The following GNA13 variants were observed in gnomAD, a reference collection of about 807,000 sequenced individuals.
GNA13 encodes guanine nucleotide-binding protein subunit alpha-13.
GNA13 carries 4 observed loss-of-function variants against 33.5 expected under a neutral mutation model. That is an observed-to-expected ratio of 0.12 (90% confidence interval 0.06 to 0.27). GNA13 has a LOEUF of 0.27. Ranked by LOEUF, GNA13 falls within the 10% of genes least tolerant of loss-of-function variation. The probability of loss-of-function intolerance (pLI) is 1.00; values close to 1 mark genes in which losing one functional copy is unlikely to be tolerated. For missense variants in GNA13, 319 were observed against 487.2 expected, an observed-to-expected ratio of 0.65 and a Z score of 3.25; for synonymous variants, 176 against 183.8, an observed-to-expected ratio of 0.96 and a Z score of 0.34.
intron 2 of GNA13, 77 bp downstream of exon 2, chr17:65,053,425 G>A (rs897515403): frequency 4.0e-5 from 36 of 889,426 alleles, no homozygotes; most frequent in Middle Eastern, 2.2e-4. Context: ...TCGAATTTTC[G>A]CATTAGGGAT....
At chr17:65,027,889 G>T (rs1906851838) in intron 2 of GNA13, among the ~76,000 whole-genome samples, 1 of 152,176 alleles carries the variant, frequency 6.6e-6, no homozygotes, top group Non-Finnish European at 1.5e-5. Flanking sequence ...CAGATTACTT[G>T]AGGCCAGGAG....
At chr17:65,018,394 T>C in intron 2 of GNA13, 91 bp from the exon 3 acceptor site, 2 of 738,466 alleles carry the variant, frequency 2.7e-6, no homozygotes, top group Non-Finnish European at 4.9e-6. Context: ...GGTTGTACAC[T>C]TAACCCAAAC....
At chr17:65,028,577 C>G (rs2143791678) in intron 2 of GNA13, among the ~76,000 whole-genome samples, 1 of 152,168 alleles carries the variant, frequency 6.6e-6, no homozygotes, top group South Asian at 2.1e-4. Context: ...CTCACTGGTA[C>G]TTAGGGCATT....
intron 1 of GNA13, among the ~76,000 whole-genome samples, chr17:65,055,266 G>A (rs574554093): frequency 6.6e-6 from 1 of 152,294 alleles, no homozygotes; most frequent in East Asian, 1.9e-4. Flanking sequence ...ACGCAGAAAC[G>A]AGTGTTAATT....
chr17:65,053,258 T>C (rs1907919175), intron 2 of GNA13: 2 of 460,688 alleles, frequency 4.3e-6, no homozygotes, highest in South Asian at 3.6e-5. Context: ...AACTAGAAAT[T>C]CATTTATGTT....
intron 2 of GNA13, chr17:65,053,233 T>A (rs1477195404): frequency 1.7e-5 from 7 of 408,926 alleles, no homozygotes; most frequent in Admixed American, 4.1e-5. Context: ...ATGCTGGGAA[T>A]GGGACTCAAG....
intron 2 of GNA13, among the ~76,000 whole-genome samples, chr17:65,045,386 G>A (rs1055272272): frequency 3.3e-5 from 5 of 151,776 alleles, no homozygotes; most frequent in East Asian, 1.9e-4. Context: ...TGGGTATGGC[G>A]GTGCACGCTT....
chr17:65,031,464 T>C (rs544462013), intron 2 of GNA13, among the ~76,000 whole-genome samples: 4 of 152,212 alleles, frequency 2.6e-5, no homozygotes, highest in South Asian at 4.1e-4. Flanking sequence ...CATGCATATA[T>C]AAGTCCTTTG....
At chr17:65,025,089 G>C (rs1349475045) in intron 2 of GNA13, among the ~76,000 whole-genome samples, 1 of 152,006 alleles carries the variant, frequency 6.6e-6, no homozygotes, top group African/African-American at 2.4e-5. Flanking sequence ...GTAGAGATGG[G>C]GTTTCACTAT....
At chr17:65,020,590 T>C (rs774991697) in intron 2 of GNA13, among the ~76,000 whole-genome samples, 1 of 152,206 alleles carries the variant, frequency 6.6e-6, no homozygotes, top group Non-Finnish European at 1.5e-5. Context: ...TAAGACTCAC[T>C]TTTTGCTGGT....
chr17:65,048,133 A>T (rs1017702032), intron 2 of GNA13, among the ~76,000 whole-genome samples: 3 of 152,228 alleles, frequency 2.0e-5, no homozygotes, highest in Non-Finnish European at 4.4e-5. Context: ...CTGTTTACAG[A>T]AAGTAGGAAG....
At chr17:65,045,055 AAAAAG>A (rs1319746037) in intron 2 of GNA13, among the ~76,000 whole-genome samples, 5 of 151,738 alleles carry the variant, frequency 3.3e-5, no homozygotes, top group African/African-American at 2.4e-5. Context: ...AAAAAAAAAA[AAAAAG>A]AAAAGAAAAG....
chr17:65,045,676 A>G (rs2143821106), intron 2 of GNA13, among the ~76,000 whole-genome samples: 1 of 152,288 alleles, frequency 6.6e-6, no homozygotes, highest in East Asian at 1.9e-4. Context: ...TTACTATTAA[A>G]CATTGCTTAA....
At position 65,056,294 on chromosome 17, in the gene GNA13, C is replaced by G; in HGVS notation, c.283+17G>C. On this transcript the variant is annotated intron_variant, in intron 1 of 3. Coordinates refer to ENST00000439174, the MANE Select transcript of GNA13 (RefSeq NM_006572.6). ...CCCCCTGCCCTTAACCCCCGGCCCC[C>G]ATTCCCGGCCCGGCACCTTTGATCA... The G allele has an allele frequency of 6.3e-7, 1 of 1,592,244 alleles. No homozygotes were observed. Among genetic ancestry groups the G allele is most frequent in the Non-Finnish European group, 8.5e-7 (1 of 1,170,528 alleles).
chr17:65,040,135 TACA>T (rs1215368160), intron 2 of GNA13, among the ~76,000 whole-genome samples: 2 of 152,162 alleles, frequency 1.3e-5, no homozygotes, highest in African/African-American at 2.4e-5. Flanking sequence ...CAAAATACTG[TACA>T]ACAAGGGGAA....
chr17:65,014,350 G>A lies in GNA13; in HGVS notation c.1041C>T (p.Thr347=). The change falls in exon 4 of 4, where the codon ACC becomes ACT. Residue 347 remains threonine (T), a synonymous_variant. Transcript: ENST00000439174. This position sits in a 1 kb window ranked among gnomAD's most constrained non-coding sequence, Gnocchi z 5.3. ...GGATGTTCTCCGTGTTGATAGCAGT[G>A]GTGAAGTGGTGGTATAAGGGCTTCT... ...QQQKPLYHHF[T]TAINTENIRL... The A allele has an allele frequency of 6.2e-7, 1 of 1,613,506 alleles. No homozygotes were observed. The highest frequency in any genetic ancestry group is 2.2e-5 in the East Asian group (1 of 44,872).
At chr17:65,027,834 G>T (rs1417811982) in intron 2 of GNA13, among the ~76,000 whole-genome samples, 1 of 152,210 alleles carries the variant, frequency 6.6e-6, no homozygotes, top group Non-Finnish European at 1.5e-5. Context: ...GCTGGGCGTG[G>T]TGGCTCATGC....
chr17:65,017,985 G>A (rs544248797), intron 3 of GNA13, among the ~76,000 whole-genome samples: 6 of 151,056 alleles, frequency 4.0e-5, no homozygotes, highest in East Asian at 1.9e-4. Context: ...AAGAAGTGTC[G>A]TGATTAAACA....
Position 65,055,232 on chromosome 17 carries a change from C to A in GNA13, c.283+1079G>T, listed in dbSNP as rs180860119. 3.3e-5 allele frequency among the ~76,000 whole-genome samples: 5 copies of A among 152,250 alleles called. No individual in the cohort carries two copies. In the East Asian group the frequency reaches 9.6e-4, roughly 29 times the overall value. ...GCTGCACCTAAATTTTGCCAAAATG[C>A]CTTTTCTATAGAACATACTTGACAC... is the stretch of plus-strand genomic sequence containing the variant. On this transcript the variant is annotated intron_variant, in intron 1 of 3. Coordinates refer to ENST00000439174, the MANE Select transcript of GNA13 (RefSeq NM_006572.6).
Sources: gnomAD v4.1 joint callset for allele counts (sites outside exome capture counted in the v4.1 genomes callset) on GRCh38, gnomAD v4.1.1 for gene constraint, Gnocchi (gnomAD v3.1) non-coding constraint, MANE v1.5 for transcripts, NCBI Gene and HGNC (gene_info 2026-07-23, HGNC 2026-07-21) for gene names.